Variants in PCDHGB1 observed in about 807,000 individuals in gnomAD.
PCDHGB1 encodes the protein protocadherin gamma subfamily B, 1.
A neutral mutation model predicts 56.6 loss-of-function variants in PCDHGB1; 34 were observed. The observed-to-expected ratio is 0.60, with a 90% CI of 0.46 to 0.80. The LOEUF (loss-of-function observed/expected upper bound fraction) is 0.80, where lower values mean the gene tolerates loss of function less well. Among genes scored for constraint, PCDHGB1 ranks in the 30% least tolerant of loss-of-function variants. The pLI is 0.00. For missense variants in PCDHGB1, 1,278 were observed against 1,204.6 expected (o/e 1.06, Z -0.90); for synonymous variants, 561 against 505.9 (o/e 1.11, Z -1.46).
chr5:141,419,579 C>G (rs759041306), intron 1 of PCDHGB1: 11 of 1,611,812 alleles, frequency 6.8e-6, no homozygotes, highest in Non-Finnish European at 9.3e-6. Flanking sequence ...CGGCTCCGCG[C>G]TCTTCGACAC....
In PCDHGB1 at chr5:141,490,745, C is replaced by T. The variant is rs769031787; in HGVS notation, c.2410-4062C>T. 22 of 1,614,120 alleles carry T rather than the reference C, an allele frequency of 1.4e-5. No individual in the cohort carries two copies. Among genetic ancestry groups the T allele is most frequent in the Non-Finnish European group, 1.9e-5 (22 of 1,180,050 alleles). On this transcript the variant is annotated intron_variant, in intron 1 of 3. Transcript: ENST00000523390. The surrounding 1 kb of genome is among the most constrained non-coding windows in gnomAD (Gnocchi z 5.4). Reference sequence around the variant, plus strand: ...GTAGGAAATCAGGTTCAGGGAGCCCCAGCCTCCTCCTTTGTGTATGTCAAC... The same window carrying T: ...GTAGGAAATCAGGTTCAGGGAGCCCTAGCCTCCTCCTTTGTGTATGTCAAC...
chr5:141,355,816 G>T (rs1759996030), intron 1 of PCDHGB1: 1 of 1,613,048 alleles, frequency 6.2e-7, no homozygotes, highest in South Asian at 1.1e-5. Context: ...CGAGGAAGAG[G>T]CGGTTCACCA....
chr5:141,389,397 A>G (rs1196356712), intron 1 of PCDHGB1: 2 of 1,613,688 alleles, frequency 1.2e-6, no homozygotes, highest in Admixed American at 3.3e-5. Context: ...CTACGTGTCC[A>G]TAAGCGCGGA....
At chr5:141,397,912 A>G in intron 1 of PCDHGB1, 2 of 686,532 alleles carry the variant, frequency 2.9e-6, no homozygotes, top group Non-Finnish European at 4.8e-6. Flanking sequence ...TTGGCGCTCC[A>G]GATCTCCTCG....
intron 1 of PCDHGB1, chr5:141,433,239 G>A: frequency 1.3e-6 from 2 of 1,494,126 alleles, no homozygotes; most frequent in Non-Finnish European, 1.8e-6. Context: ...TGTCTCCCAA[G>A]CTGGAATGCA....
At chr5:141,471,892 T>C (rs1429425311) in intron 1 of PCDHGB1, among the ~76,000 whole-genome samples, 1 of 152,166 alleles carries the variant, frequency 6.6e-6, no homozygotes, top group Admixed American at 6.6e-5. Context: ...GCTAGGAAGA[T>C]TGACTACAGA....
chr5:141,415,740 G>GTTTTTTTTTTTTTTTTTTTT (rs57426385), intron 1 of PCDHGB1: 5 of 625,024 alleles, frequency 8.0e-6, no homozygotes, highest in African/African-American at 5.0e-5. Flanking sequence ...GTTTATTAAG[G>GTTTTTTTTTTTTTTTTTTTT]TTTTTTTTTT....
chr5:141,482,016 C>T (rs2099550411), intron 1 of PCDHGB1, among the ~76,000 whole-genome samples: 1 of 148,596 alleles, frequency 6.7e-6, no homozygotes, highest in African/African-American at 2.5e-5. Context: ...TCTCAGGAAG[C>T]AGAGGTTGCA....
In PCDHGB1 at chr5:141,476,182, G is replaced by A. The variant is rs369561139; in HGVS notation, c.2410-18625G>A. On this transcript the variant is annotated intron_variant, in intron 1 of 3. Coordinates refer to ENST00000523390, the MANE Select transcript of PCDHGB1 (RefSeq NM_018922.3). This position sits in a 1 kb window ranked among gnomAD's most constrained non-coding sequence, Gnocchi z 7.6. ...GGAGGGTAGTGGGAGTTTTGCTTCT[G>A]CTTGGTGCCTTGAACAAGGCTTCCA... 5 of 1,613,554 alleles carry A rather than the reference G, an allele frequency of 3.1e-6. No homozygotes were observed. Among genetic ancestry groups the A allele is most frequent in the Admixed American group, 1.7e-5 (1 of 59,996 alleles).
At position 141,491,098 on chromosome 5, in the gene PCDHGB1, C is replaced by A. The variant is rs1283499077; in HGVS notation, c.2410-3709C>A. ...ACAGTCCACAGCCCCAGGACTGTTC[C>A]TCGTGTCTACACACACTGGTGAGGT... On this transcript the variant is annotated intron_variant, in intron 1 of 3. Coordinates refer to ENST00000523390, the MANE Select transcript of PCDHGB1 (RefSeq NM_018922.3). This position sits in a 1 kb window ranked among gnomAD's most constrained non-coding sequence, Gnocchi z 6.9. 6.2e-7 allele frequency: 1 copy of A among 1,614,216 alleles called. No individual in the cohort carries two copies. Among genetic ancestry groups the A allele is most frequent in the Non-Finnish European group, 8.5e-7 (1 of 1,180,038 alleles).
intron 1 of PCDHGB1, chr5:141,393,706 C>T: frequency 1.2e-6 from 2 of 1,613,798 alleles, no homozygotes; most frequent in African/African-American, 1.3e-5. Flanking sequence ...AATGAAAATA[C>T]TGGGGAAATA....
chr5:141,385,620 T>G (rs2090301137), intron 1 of PCDHGB1: 1 of 1,063,712 alleles, frequency 9.4e-7, no homozygotes, highest in Middle Eastern at 3.9e-4. Flanking sequence ...TTTTATACAT[T>G]GGAATGAATC....
In PCDHGB1 at chr5:141,487,829, C is replaced by T. The variant is rs528435429; in HGVS notation, c.2410-6978C>T. On this transcript the variant is annotated intron_variant, in intron 1 of 3. Transcript: ENST00000523390. The surrounding 1 kb of genome is among the most constrained non-coding windows in gnomAD (Gnocchi z 5.0). ...GTTTAGCATTGGGGGCGGGTCATGC[C>T]TATATCTGAGTAAGAAATGAAAGTA... The T allele has an allele frequency of 1.1e-4, 125 of 1,182,994 alleles. No homozygotes were observed. In the Middle Eastern group the frequency reaches 3.7e-3, roughly 35 times the overall value. 73.3% of individuals were successfully genotyped at this position (1,182,994 alleles called of 1,614,324 possible).
At chr5:141,478,425 A>G (rs1454100826) in intron 1 of PCDHGB1, 1 of 1,613,542 alleles carries the variant, frequency 6.2e-7, no homozygotes, top group African/African-American at 1.3e-5. Context: ...CGCCGCAGCG[A>G]CCCGCTGCTG....
chr5:141,391,728 T>C (rs2092412871), intron 1 of PCDHGB1: 1 of 152,222 alleles, frequency 6.6e-6, no homozygotes, highest in East Asian at 1.9e-4. Flanking sequence ...ACAGACTTTT[T>C]TGTAGTCATA....
chr5:141,376,249 A>G (rs1433359020), intron 1 of PCDHGB1: 1 of 1,614,042 alleles, frequency 6.2e-7, no homozygotes, highest in Non-Finnish European at 8.5e-7. Context: ...GGCACAAGTC[A>G]CGCCTGCTGC....
intron 1 of PCDHGB1, among the ~76,000 whole-genome samples, chr5:141,426,133 G>A (rs2096916691): frequency 6.6e-6 from 1 of 152,212 alleles, no homozygotes. Context: ...GCCAAGACTT[G>A]GGCTTTCTGC....
chr5:141,428,025 G>C, intron 1 of PCDHGB1: 1 of 1,606,426 alleles, frequency 6.2e-7, no homozygotes, highest in Non-Finnish European at 8.5e-7. Flanking sequence ...ACGCGCCGCA[G>C]AGTCCGGCTA....
rs376527354 is a variant in PCDHGB1, at chr5:141,439,129, G to A, written c.2410-55678G>A. Among the ~76,000 whole-genome samples the A allele has an allele frequency of 7.3e-5, 11 of 151,064 alleles. No individual in the cohort carries two copies. The South Asian group carries it at 2.3e-3, about 32-fold the overall frequency. The stretch of plus-strand genomic sequence containing the variant: ...AATCACTTGAACCCGGGAGACAGAG[G>A]TTGCAGTGAGCTGAGATCACGCCAC... On this transcript the variant is annotated intron_variant, in intron 1 of 3. Coordinates refer to ENST00000523390, the MANE Select transcript of PCDHGB1 (RefSeq NM_018922.3).
Sources: allele counts gnomAD v4.1 joint callset (sites outside exome capture counted in the v4.1 genomes callset), GRCh38; gene constraint gnomAD v4.1.1; non-coding constraint Gnocchi (gnomAD v3.1); transcripts MANE v1.5; gene names NCBI Gene and HGNC (gene_info 2026-07-23, HGNC 2026-07-21).